Variants in PLXNB1 observed in about 807,000 individuals in gnomAD.
PLXNB1 encodes the protein plexin-B1.
Under a neutral mutation model 209.4 loss-of-function variants are expected in PLXNB1, and 106 were observed. The ratio of observed to expected loss-of-function variants is 0.51; its 90% CI spans 0.43 to 0.59. PLXNB1 has a LOEUF of 0.59. Among genes scored for constraint, PLXNB1 ranks in the 20% least tolerant of loss-of-function variants. The probability of loss-of-function intolerance (pLI) is 0.00; values close to 1 mark genes in which losing one functional copy is unlikely to be tolerated. For missense variants in PLXNB1, 2,357 were observed against 2,853.2 expected (o/e 0.83, Z 3.96); for synonymous variants, 1,167 against 1,183.2 (o/e 0.99, Z 0.28).
rs775675765 is a variant in PLXNB1, at chr3:48,417,965, G to A, written c.3320C>T (p.Thr1107Met). ...CACAGCACAGGGCACTCCAGCCACC[G>A]TGACCATGCCCAGCACATCCTGCAC... is the stretch of plus-strand genomic sequence containing the variant. The part of the protein sequence containing the change: ...QHVQDVLGMV[T>M]VAGVPCAVDA... Residue 1107 changes from threonine to methionine, a missense_variant, in exon 16 of 38, where the codon ACG becomes ATG. Physicochemically the swap from Thr to Met is moderately conservative, Grantham distance 81. Around this residue, in one of 7 missense-constraint regions of PLXNB1, gnomAD observed 743 missense variants for 896.2 expected, o/e 0.83. Transcript: ENST00000296440. This position sits in a 1 kb window ranked among gnomAD's most constrained non-coding sequence, Gnocchi z 4.4. 45 of 1,613,326 alleles carry A rather than the reference G, an allele frequency of 2.8e-5. No homozygotes were observed. Among genetic ancestry groups the A allele is most frequent in the East Asian group, 2.0e-4 (9 of 44,898 alleles).
Position 48,413,519 on chromosome 3 carries a change from T to C in PLXNB1, c.4535+151A>G, listed in dbSNP as rs904447424. On this transcript the variant is annotated intron_variant, in intron 23 of 37. Coordinates refer to ENST00000296440, the MANE Select transcript of PLXNB1 (RefSeq NM_001130082.3). This position sits in a 1 kb window ranked among gnomAD's most constrained non-coding sequence, Gnocchi z 5.4. ...TGCCACAGTGGCAAAGCTGAGTTGT[T>C]GAACAGAGACCACTTGGCCTGCAAA... 7.6e-5 allele frequency: 61 copies of C among 801,976 alleles called. No individual in the cohort carries two copies. The highest frequency in any genetic ancestry group is 3.8e-6 in the Non-Finnish European group (2 of 520,832). 49.7% of individuals were successfully genotyped at this position (801,976 alleles called of 1,614,324 possible).
rs1187312072 is a variant in PLXNB1, at chr3:48,419,526, A to G, written c.2709+51T>C. On this transcript the variant is annotated intron_variant, in intron 11 of 37. Coordinates refer to ENST00000296440, the MANE Select transcript of PLXNB1 (RefSeq NM_001130082.3). The surrounding 1 kb of genome is among the most constrained non-coding windows in gnomAD (Gnocchi z 5.7). ...AATCACAAGGCAAGCTAGGGGTAGC[A>G]TCTTCCCCACATCCCCTCCCCTGAG... 6.5e-7 allele frequency: 1 copy of G among 1,540,644 alleles called. No homozygotes were observed. Among genetic ancestry groups the G allele is most frequent in the African/African-American group, 1.4e-5 (1 of 73,806 alleles).
chr3:48,425,932 T>C (rs2038868933), intron 1 of PLXNB1, among the ~76,000 whole-genome samples: 1 of 151,820 alleles, frequency 6.6e-6, no homozygotes, highest in Non-Finnish European at 1.5e-5. Context: ...GACACATCCA[T>C]ATAGAGACAA....
Position 48,418,283 on chromosome 3 carries a change from A to G in PLXNB1, c.3130T>C (p.Cys1044Arg). 6.2e-7 allele frequency: 1 copy of G among 1,613,564 alleles called. No individual in the cohort carries two copies. Among genetic ancestry groups the G allele is most frequent in the Non-Finnish European group, 8.5e-7 (1 of 1,180,020 alleles). The change falls in exon 15 of 38, where the codon TGT (cysteine) becomes CGT (arginine). Residue 1044 changes from cysteine to arginine, a missense_variant. By Grantham distance (180) the Cys-to-Arg change is radical. Around this residue, in one of 7 missense-constraint regions of PLXNB1, gnomAD observed 743 missense variants for 896.2 expected, o/e 0.83. Coordinates refer to ENST00000296440, the MANE Select transcript of PLXNB1 (RefSeq NM_001130082.3). The surrounding 1 kb of genome is among the most constrained non-coding windows in gnomAD (Gnocchi z 6.6). ...TAMPQYGCVW[C>R]EGERPRCVTR... ...ACACAACGTGGACGCTCCCCCTCAC[A>G]CCACACACAGCCATACTGGGGCATG...
Position 48,415,429 on chromosome 3 carries a change from A to G in PLXNB1, c.3795-82T>C, listed in dbSNP as rs1305592620. 26 of 1,490,654 alleles carry G rather than the reference A, an allele frequency of 1.7e-5. No individual in the cohort carries two copies. The highest frequency in any genetic ancestry group is 2.8e-5 in the African/African-American group (2 of 72,196). 92.3% of individuals were successfully genotyped at this position (1,490,654 alleles called of 1,614,324 possible). Reference sequence around the variant, plus strand: ...AGCACAGCCCAGTCCCGGCTAGGTCAGCTCAGCCCCAGCCCCAAACCACAC... The same window carrying G: ...AGCACAGCCCAGTCCCGGCTAGGTCGGCTCAGCCCCAGCCCCAAACCACAC... On this transcript the variant is annotated intron_variant, in intron 19 of 37. Coordinates refer to ENST00000296440, the MANE Select transcript of PLXNB1 (RefSeq NM_001130082.3). The surrounding 1 kb of genome is among the most constrained non-coding windows in gnomAD (Gnocchi z 5.0).
chr3:48,425,594 T>C (rs2038844730), intron 1 of PLXNB1, among the ~76,000 whole-genome samples: 1 of 151,636 alleles, frequency 6.6e-6, no homozygotes, highest in Non-Finnish European at 1.5e-5. Flanking sequence ...AGGAGCCCCG[T>C]GGCTGGCAGG....
At position 48,422,166 on chromosome 3, in the gene PLXNB1, C is replaced by T; in HGVS notation, c.1459G>A (p.Asp487Asn). 1 of 1,614,126 alleles carries T rather than the reference C, an allele frequency of 6.2e-7. No homozygotes were observed. Among genetic ancestry groups the T allele is most frequent in the Non-Finnish European group, 8.5e-7 (1 of 1,179,992 alleles). ...CTGTGAGCAAGGCAAGATGCACAGT[C>T]CAGGTGCTGAGCACAGGAAGCCACA... is the stretch of plus-strand genomic sequence containing the variant. ...VPVASCAQHL[D>N]CASCLAHRDP... Residue 487 changes from aspartate to asparagine, a missense_variant, in exon 6 of 38, where the codon GAC becomes AAC. This residue lies in a region of PLXNB1 where 214 missense variants were observed against 297.1 expected (regional missense o/e 0.72). Coordinates refer to ENST00000296440, the MANE Select transcript of PLXNB1 (RefSeq NM_001130082.3).
In PLXNB1 at chr3:48,422,427, T is replaced by C. The variant is rs1265629104; in HGVS notation, c.1323A>G (p.Pro441=). 3 of 1,598,982 alleles carry C rather than the reference T, an allele frequency of 1.9e-6. No homozygotes were observed. The change falls in exon 5 of 38, where the codon CCA becomes CCG. Residue 441 remains proline, a synonymous_variant. Transcript: ENST00000296440. Reference sequence around the variant, plus strand: ...CCTGCTGGATGCTCTGTGTGGAGTATGGGTGGCCATCGCTCCCTGGGCCCA... The same window carrying C: ...CCTGCTGGATGCTCTGTGTGGAGTACGGGTGGCCATCGCTCCCTGGGCCCA... ...VYLGPGSDGH[P]YSTQSIQQGS...
At position 48,416,228 on chromosome 3, in the gene PLXNB1, C is replaced by A; in HGVS notation, c.3481-61G>T. 6.4e-7 allele frequency: 1 copy of A among 1,563,906 alleles called. No individual in the cohort carries two copies. Among genetic ancestry groups the A allele is most frequent in the Non-Finnish European group, 8.7e-7 (1 of 1,146,844 alleles). ...CCAGACACATGGAGGCAGGGACAGC[C>A]TGAGAGACAGGCTGGCCCAGGACTG... On this transcript the variant is annotated intron_variant, in intron 17 of 37. Coordinates refer to ENST00000296440, the MANE Select transcript of PLXNB1 (RefSeq NM_001130082.3). The surrounding 1 kb of genome is among the most constrained non-coding windows in gnomAD (Gnocchi z 4.1).
chr3:48,423,264 G>A (rs2038652261), intron 3 of PLXNB1, among the ~76,000 whole-genome samples: 1 of 152,064 alleles, frequency 6.6e-6, no homozygotes, highest in African/African-American at 2.4e-5. Context: ...ACCGACACAA[G>A]TGCCACCCCT....
Position 48,406,676 on chromosome 3 carries a change from C to T in PLXNB1, c.6228+147G>A. The T allele has an allele frequency of 7.0e-7, 1 of 1,431,412 alleles. No homozygotes were observed. The highest frequency in any genetic ancestry group is 1.5e-5 in the South Asian group (1 of 66,490). 88.7% of individuals were successfully genotyped at this position (1,431,412 alleles called of 1,614,324 possible). On this transcript the variant is annotated intron_variant, in intron 36 of 37. Coordinates refer to ENST00000296440, the MANE Select transcript of PLXNB1 (RefSeq NM_001130082.3). The surrounding 1 kb of genome is among the most constrained non-coding windows in gnomAD (Gnocchi z 4.4). ...CCTGGTCTTTCAGTGGCAGTTGGAA[C>T]ATTCTGCATTTATGTTTCCTGCCCC...
Position 48,416,074 on chromosome 3 carries a change from G to C in PLXNB1, c.3574C>G (p.Leu1192Val). 6.2e-7 allele frequency: 1 copy of C among 1,602,210 alleles called. No homozygotes were observed. The highest frequency in any genetic ancestry group is 1.1e-5 in the South Asian group (1 of 88,972). ...LNGSKLLTGR[L>V]EDIRVVVGDQ... is the part of the protein sequence containing the mutation. ...CCAACCACCACTCGGATGTCCTCCAGCCGCCCAGTCAGGAGCTTGGAGCCA... is the reference window on the plus strand; with the variant it reads ...CCAACCACCACTCGGATGTCCTCCACCCGCCCAGTCAGGAGCTTGGAGCCA... Residue 1192 changes from leucine to valine, a missense_variant, in exon 18 of 38, where the codon CTG (leucine) becomes GTG (valine). Coordinates refer to ENST00000296440, the MANE Select transcript of PLXNB1 (RefSeq NM_001130082.3). This position sits in a 1 kb window ranked among gnomAD's most constrained non-coding sequence, Gnocchi z 4.1.
chr3:48,408,297 A>G (rs1363824138), intron 34 of PLXNB1, among the ~76,000 whole-genome samples: 1 of 152,134 alleles, frequency 6.6e-6, no homozygotes, highest in Non-Finnish European at 1.5e-5. Flanking sequence ...TCTAGGTGTG[A>G]GCCACCGTGC....
In PLXNB1 at chr3:48,415,666, C is replaced by T. The variant is rs764162673; in HGVS notation, c.3711G>A (p.Thr1237=). 4.5e-6 allele frequency: 7 copies of T among 1,565,482 alleles called. No individual in the cohort carries two copies. Among genetic ancestry groups the T allele is most frequent in the African/African-American group, 1.3e-5 (1 of 74,330 alleles). ...ACTGTCCGCGTTGAAGCCTCCGCTC[C>T]GTGGCCCCAAACCACACAGCCACAG... ...TLPVAVWFGA[T]ERRLQRGQFK... The change falls in exon 19 of 38, where the codon ACG becomes ACA. Residue 1237 remains threonine (T), a synonymous_variant. Coordinates refer to ENST00000296440, the MANE Select transcript of PLXNB1 (RefSeq NM_001130082.3). This position sits in a 1 kb window ranked among gnomAD's most constrained non-coding sequence, Gnocchi z 5.0.
At chr3:48,407,167 G>A in intron 34 of PLXNB1, 76 bp from the exon 35 acceptor site, 10 of 1,342,574 alleles carry the variant, frequency 7.4e-6, no homozygotes, top group Non-Finnish European at 1.1e-5. Context: ...CAAGTGTCCT[G>A]GGTTTCCCAG....
chr3:48,424,526 G>T lies in PLXNB1; in HGVS notation c.86C>A (p.Thr29Asn), dbSNP rs781469849. 2 of 1,595,596 alleles carry T rather than the reference G, an allele frequency of 1.3e-6. No homozygotes were observed. The highest frequency in any genetic ancestry group is 1.7e-6 in the Non-Finnish European group (2 of 1,171,504). The change falls in exon 3 of 38, where the codon ACT becomes AAT. Residue 29 changes from threonine to asparagine, a missense_variant. Transcript: ENST00000296440. ...GTGCTGCAGATACGTGCCATTGGGA[G>T]TGAATGCAGTTGGTGGAAGGGGCTG... ...TLQPLPPTAF[T>N]PNGTYLQHLA...
chr3:48,419,624 G>C lies in PLXNB1; in HGVS notation c.2662C>G (p.Pro888Ala). The change falls in exon 11 of 38, where the codon CCG becomes GCG. Residue 888 changes from proline (P) to alanine (A), a missense_variant. Around this residue, in one of 7 missense-constraint regions of PLXNB1, gnomAD observed 410 missense variants for 401.0 expected, o/e 1.02. Transcript: ENST00000296440. The surrounding 1 kb of genome is among the most constrained non-coding windows in gnomAD (Gnocchi z 5.7). Reference sequence around the variant, plus strand: ...TCATACTGGTAGTCGAGGCTGGACGGGAGGATGAGGGGGGCGGGAGGGCCC... The same window carrying C: ...TCATACTGGTAGTCGAGGCTGGACGCGAGGATGAGGGGGGCGGGAGGGCCC... Reference protein sequence around the residue: ...LEGPPAPLILPSSLDYQYDTP... With the variant: ...LEGPPAPLILASSLDYQYDTP... 6.2e-7 allele frequency: 1 copy of C among 1,612,580 alleles called. No homozygotes were observed. The highest frequency in any genetic ancestry group is 2.2e-5 in the East Asian group (1 of 44,880).
intron 1 of PLXNB1, among the ~76,000 whole-genome samples, chr3:48,425,769 A>C (rs1444632683): frequency 6.6e-6 from 1 of 152,086 alleles, no homozygotes; most frequent in Non-Finnish European, 1.5e-5. Context: ...ACAGCAAGAT[A>C]CATACACACC....
At position 48,404,161 on chromosome 3, in the gene PLXNB1, C is replaced by T. The variant is rs2037172314; in HGVS notation, c.*325G>A. The T allele has an allele frequency of 3.5e-6, 1 of 282,776 alleles. No individual in the cohort carries two copies. Among genetic ancestry groups the T allele is most frequent in the East Asian group, 6.9e-5 (1 of 14,578 alleles). 17.5% of individuals were successfully genotyped at this position (282,776 alleles called of 1,614,324 possible). On this transcript the variant is annotated 3_prime_UTR_variant, in exon 38 of 38. Coordinates refer to ENST00000296440, the MANE Select transcript of PLXNB1 (RefSeq NM_001130082.3). ...TCCCAGTGTGGCCAAGGCCAGTGTT[C>T]AGGAACAGTACAGTCTCCCCAGGGG...
Sources: gnomAD v4.1 joint callset for allele counts (sites outside exome capture counted in the v4.1 genomes callset) on GRCh38, gnomAD v4.1.1 for gene constraint, gnomAD v4.1.1 regional missense constraint, Gnocchi (gnomAD v3.1) non-coding constraint, MANE v1.5 for transcripts, NCBI Gene and HGNC (gene_info 2026-07-23, HGNC 2026-07-21) for gene names.